The following RNF123 variants were observed in gnomAD, a reference collection of about 807,000 sequenced individuals.
RNF123 encodes ring finger protein 123.
Under a neutral mutation model 168.5 loss-of-function variants are expected in RNF123, and 86 were observed. That is an observed-to-expected ratio of 0.51 (90% CI 0.43 to 0.61). The LOEUF is 0.61. Among genes scored for constraint, RNF123 ranks in the 20% least tolerant of loss-of-function variants. The probability of loss-of-function intolerance (pLI) is 0.00; values close to 1 mark genes in which losing one functional copy is unlikely to be tolerated. For missense variants in RNF123, 1,419 were observed against 1,729.7 expected (o/e 0.82, Z 3.19); for synonymous variants, 666 against 689.1 (o/e 0.97, Z 0.52).
At chr3:49,707,235 G>A (rs981518221) in intron 26 of RNF123, among the ~76,000 whole-genome samples, 4 of 139,128 alleles carry the variant, frequency 2.9e-5, no homozygotes, top group Admixed American at 7.9e-5. Flanking sequence ...AGTCTTTCCC[G>A]GAGGCACACT....
At chr3:49,700,094 C>A in intron 12 of RNF123, 133 bp from the exon 13 acceptor site, 1 of 1,303,334 alleles carries the variant, frequency 7.7e-7, no homozygotes, top group Non-Finnish European at 1.0e-6. Context: ...CGGAAGGGGT[C>A]ATCTATGTTT....
intron 35 of RNF123, 55 bp from the exon 36 acceptor site, chr3:49,720,456 G>A: frequency 6.7e-7 from 1 of 1,496,502 alleles, no homozygotes. Flanking sequence ...TCCCAAGAGA[G>A]ACTTTTAGCC....
intron 26 of RNF123, among the ~76,000 whole-genome samples, 186 bp from the exon 27 acceptor site, chr3:49,712,293 A>C (rs753659973): frequency 1.1e-4 from 17 of 151,850 alleles, no homozygotes; most frequent in Non-Finnish European, 2.4e-4. Context: ...CTCCAGGCTG[A>C]GTGCGTCCCT....
At chr3:49,706,421 G>A (rs1018762436) in intron 25 of RNF123, among the ~76,000 whole-genome samples, 8 of 152,256 alleles carry the variant, frequency 5.3e-5, no homozygotes, top group African/African-American at 1.9e-4. Flanking sequence ...GCCCAGGAAG[G>A]TGGGGCCCAG....
Position 49,706,078 on chromosome 3 carries a change from T to C in RNF123, c.2388+13T>C, listed in dbSNP as rs1431963523. 6.2e-7 allele frequency: 1 copy of C among 1,612,130 alleles called. No homozygotes were observed. Among genetic ancestry groups the C allele is most frequent in the East Asian group, 2.2e-5 (1 of 44,870 alleles). ...GTGCCCCAAGAGGGTAAGGCCCACA[T>C]AGTCTTGGTGAGGGGCAGCTTGCTT... is the stretch of plus-strand genomic sequence containing the variant. On this transcript the variant is annotated intron_variant, in intron 25 of 38. Coordinates refer to ENST00000327697, the MANE Select transcript of RNF123 (RefSeq NM_022064.5).
At chr3:49,720,404 G>T (rs961005962) in intron 35 of RNF123, 107 bp from the exon 36 acceptor site, 11 of 1,152,420 alleles carry the variant, frequency 9.5e-6, no homozygotes, top group African/African-American at 3.1e-5. Context: ...AAGGATGCAG[G>T]GGGGGTGATC....
chr3:49,705,924 A>G (rs1293158950), intron 24 of RNF123, 58 bp from the exon 25 acceptor site: 21 of 1,572,338 alleles, frequency 1.3e-5, no homozygotes, highest in Non-Finnish European at 1.7e-5. Context: ...CTGGGTCTGA[A>G]GAAGCCTGGA....
Position 49,713,821 on chromosome 3 carries a change from G to A in RNF123, c.2833G>A (p.Glu945Lys), listed in dbSNP as rs2080189800. The change falls in exon 29 of 39, where the codon GAG becomes AAG. Residue 945 changes from glutamate (E) to lysine (K), a missense_variant. Physicochemically the swap from Glu to Lys is moderately conservative, Grantham distance 56 (BLOSUM62 1). This residue lies in a region of RNF123 where 538 missense variants were observed against 708.8 expected (regional missense o/e 0.76). Transcript: ENST00000327697. ...SLRAVERIPE[E>K]QRIAMVRNLL... is the part of the protein sequence containing the mutation. ...GCGGGCTGTGGAGCGAATCCCCGAG[G>A]AGCAGTGAGTGGGGCCTGGGGGGCA... is the stretch of plus-strand genomic sequence containing the variant. 1 of 1,613,216 alleles carries A rather than the reference G, an allele frequency of 6.2e-7. No individual in the cohort carries two copies. Among genetic ancestry groups the A allele is most frequent in the Non-Finnish European group, 8.5e-7 (1 of 1,179,838 alleles).
chr3:49,698,533 G>A lies in RNF123; in HGVS notation c.570+7G>A, dbSNP rs774920271. 41 of 1,613,598 alleles carry A rather than the reference G, an allele frequency of 2.5e-5. No individual in the cohort carries two copies. The highest frequency in any genetic ancestry group is 3.4e-5 in the Non-Finnish European group (40 of 1,179,932). On this transcript the variant is annotated splice_region_variant and intron_variant, in intron 8 of 38. Transcript: ENST00000327697. ...CACAACGAATTATGGCAAGGTGAGA[G>A]CCAAGCCCCTGTGGGTCATCCGCCC...
rs1435150951 is a variant in RNF123 at position 49,721,114 on chromosome 3, G to GC, written c.3824+13dup. On this transcript the variant is annotated intron_variant, in intron 38 of 38. Coordinates refer to ENST00000327697, the MANE Select transcript of RNF123 (RefSeq NM_022064.5). ...GGCCACAAGTCCTGCAAGTAAGTGGGCCCCACAGCTTGGTGGTGGGGAGAG... is the reference window on the plus strand; with the variant it reads ...GGCCACAAGTCCTGCAAGTAAGTGGGCCCCCACAGCTTGGTGGTGGGGAGAG... The GC allele has an allele frequency of 6.2e-7, 1 of 1,613,946 alleles. No individual in the cohort carries two copies. The highest frequency in any genetic ancestry group is 8.5e-7 in the Non-Finnish European group (1 of 1,179,874).
chr3:49,720,628 C>T lies in RNF123; in HGVS notation c.3618C>T (p.Asp1206=). 6.2e-7 allele frequency: 1 copy of T among 1,602,400 alleles called. No homozygotes were observed. The highest frequency in any genetic ancestry group is 8.5e-7 in the Non-Finnish European group (1 of 1,171,994). The change falls in exon 36 of 39, where the codon GAC becomes GAT. Residue 1206 remains aspartate, a synonymous_variant. Coordinates refer to ENST00000327697, the MANE Select transcript of RNF123 (RefSeq NM_022064.5). ...PAPGTALPAP[D]RKRFSLQSYA... is the part of the protein sequence containing the mutation. ...CTGGCACTGCTCTGCCAGCCCCTGA[C>T]CGGAAGCGCTTCTCCCTGCAGAGCT...
intron 5 of RNF123, 101 bp from the exon 6 acceptor site, chr3:49,697,784 A>G (rs1013963612): frequency 5.5e-6 from 8 of 1,452,962 alleles, no homozygotes; most frequent in Admixed American, 1.7e-5. Context: ...GCCACAGGCA[A>G]ATACCACCAG....
chr3:49,712,702 T>C (rs2080166693), intron 27 of RNF123, 46 bp downstream of exon 27: 1 of 1,594,094 alleles, frequency 6.3e-7, no homozygotes, highest in Non-Finnish European at 8.6e-7. Flanking sequence ...AAGGGGTCTC[T>C]AGTGTGAGCC....
Position 49,715,716 on chromosome 3 carries a change from TG to T in RNF123, c.3150+5del. 1.2e-6 allele frequency: 2 copies of T among 1,614,122 alleles called. No individual in the cohort carries two copies. Among genetic ancestry groups the T allele is most frequent in the Non-Finnish European group, 1.7e-6 (2 of 1,180,012 alleles). The stretch of plus-strand genomic sequence containing the variant: ...GAATTCATTGGCATGATCCAAGAGG[TG>T]GGCTGTGGTGGGGCCTCGTGGGTTA... On this transcript the variant is annotated splice_donor_region_variant and intron_variant, in intron 32 of 38. Transcript: ENST00000327697.
rs760705142 is a variant in RNF123, at chr3:49,702,633, A to C, written c.1630A>C (p.Asn544His). 6.2e-7 allele frequency: 1 copy of C among 1,614,204 alleles called. No homozygotes were observed. Among genetic ancestry groups the C allele is most frequent in the South Asian group, 1.1e-5 (1 of 91,080 alleles). ...CATGTTTCATGCCTGGTGTCCACAG[A>C]ACATGCCCATGCTCTGCCCCCCTGA... ...FLQENASGRG[N>H]MPMLCPPEYM... Residue 544 changes from asparagine to histidine, a missense_variant and splice_region_variant, in exon 20 of 39, where the codon AAC (asparagine) becomes CAC (histidine). By Grantham distance (68) the Asn-to-His change is moderately conservative. Transcript: ENST00000327697.
chr3:49,720,469 GC>G, intron 35 of RNF123, 41 bp from the exon 36 acceptor site: 1 of 1,508,860 alleles, frequency 6.6e-7, no homozygotes. Context: ...TTTTAGCCAG[GC>G]CCCAAGCCTT....
chr3:49,716,391 A>G lies in RNF123; in HGVS notation c.3416-2A>G. ...TCATCTCTTTCCTCCCCTTCCCCTC[A>G]GGCCTAGAGAGCGTGGACCACTATC... On this transcript the variant is annotated splice_acceptor_variant, in intron 34 of 38. Coordinates refer to ENST00000327697, the MANE Select transcript of RNF123 (RefSeq NM_022064.5). LOFTEE classifies it high-confidence loss of function. The G allele has an allele frequency of 6.2e-7, 1 of 1,613,326 alleles. No individual in the cohort carries two copies. The highest frequency in any genetic ancestry group is 8.5e-7 in the Non-Finnish European group (1 of 1,179,584).
In RNF123 at chr3:49,691,437, A is replaced by G. The variant is rs145883512; in HGVS notation, c.95A>G (p.Glu32Gly). 11,420 of 1,614,110 alleles carry G rather than the reference A, an allele frequency of 7.1e-3. 43 individuals carry two copies. The highest frequency in any genetic ancestry group is 8.4e-3 in the Non-Finnish European group (9,891 of 1,179,966). Reference sequence around the variant, plus strand: ...ACTTGTGGCTCAGGCATTGTGCAGGAGAAGCTGCTGAATGACTACCTGAAC... The same window carrying G: ...ACTTGTGGCTCAGGCATTGTGCAGGGGAAGCTGCTGAATGACTACCTGAAC... ...EKSRVTGIVQ[E>G]KLLNDYLNRI... Residue 32 changes from glutamate to glycine, a missense_variant, in exon 3 of 39, where the codon GAG becomes GGG. Physicochemically the swap from Glu to Gly is moderately conservative, Grantham distance 98. Coordinates refer to ENST00000327697, the MANE Select transcript of RNF123 (RefSeq NM_022064.5).
chr3:49,717,090 A>G (rs568637719), intron 35 of RNF123: 331 of 153,080 alleles, frequency 2.2e-3, no homozygotes, highest in Admixed American at 4.2e-3. Flanking sequence ...CGGCCCTCCC[A>G]GCTCGGCCAT....
Sources: gnomAD v4.1 joint callset for allele counts (sites outside exome capture counted in the v4.1 genomes callset) on GRCh38, gnomAD v4.1.1 for gene constraint, gnomAD v4.1.1 regional missense constraint, MANE v1.5 for transcripts, NCBI Gene and HGNC (gene_info 2026-07-23, HGNC 2026-07-21) for gene names.